Variants in PDE3A observed in about 807,000 individuals in gnomAD.
PDE3A encodes phosphodiesterase 3A, also known as cGMP-inhibited 3',5'-cyclic phosphodiesterase 3A.
PDE3A carries 43 observed loss-of-function variants against 98.3 expected under a neutral mutation model. The ratio of observed to expected loss-of-function variants is 0.44; its 90% confidence interval spans 0.34 to 0.56. The LOEUF is 0.56. PDE3A is among the 20% of genes least tolerant of loss of function. PDE3A has a pLI of 0.01. For missense variants in PDE3A, 1,427 were observed against 1,440.7 expected, an observed-to-expected ratio of 0.99 and a Z score of 0.15; for synonymous variants, 663 against 567.9, an observed-to-expected ratio of 1.17 and a Z score of -2.38.
chr12:20,517,466 G>C (rs535250256), intron 1 of PDE3A, among the ~76,000 whole-genome samples: 7 of 152,250 alleles, frequency 4.6e-5, no homozygotes, highest in South Asian at 4.1e-4. Flanking sequence ...CTCTTATTCA[G>C]AATGTTTTTT....
At chr12:20,507,542 C>T (rs1054611975) in intron 1 of PDE3A, among the ~76,000 whole-genome samples, 1 of 151,934 alleles carries the variant, frequency 6.6e-6, no homozygotes, top group Non-Finnish European at 1.5e-5. Context: ...CTCATATATC[C>T]AATTGCAATA....
intron 1 of PDE3A, among the ~76,000 whole-genome samples, chr12:20,370,920 A>G (rs1943461653): frequency 6.6e-6 from 1 of 152,240 alleles, no homozygotes; most frequent in African/African-American, 2.4e-5. Context: ...TTGGGGAATA[A>G]TATGTCTGAA....
Position 20,507,053 on chromosome 12 carries a change from C to T in PDE3A, c.961-49607C>T, listed in dbSNP as rs573805674. The stretch of plus-strand genomic sequence containing the variant: ...TAAATTTAGTTTTAAACTTAATTCA[C>T]ATAAAGGGTATTTATTATGATCCGG... On this transcript the variant is annotated intron_variant, in intron 1 of 15. Transcript: ENST00000359062. Among the ~76,000 whole-genome samples, 5 of 152,086 alleles carry T rather than the reference C, an allele frequency of 3.3e-5. No homozygotes were observed. In the East Asian group the frequency reaches 7.7e-4, roughly 23 times the overall value.
chr12:20,400,201 C>T (rs1329855745), intron 1 of PDE3A, among the ~76,000 whole-genome samples: 2 of 151,938 alleles, frequency 1.3e-5, no homozygotes, highest in Admixed American at 1.3e-4. Flanking sequence ...GCATGTCCGA[C>T]TGAGCTCTAT....
intron 15 of PDE3A, among the ~76,000 whole-genome samples, chr12:20,679,660 C>T (rs939042445): frequency 6.6e-6 from 1 of 151,920 alleles, no homozygotes; most frequent in Admixed American, 6.6e-5. Flanking sequence ...GACAGACTAA[C>T]AAGAAGTTAT....
chr12:20,556,807 G>C (rs937256765), intron 2 of PDE3A, 97 bp downstream of exon 2: 1 of 861,414 alleles, frequency 1.2e-6, no homozygotes, highest in Non-Finnish European at 2.0e-6. Context: ...GTGGAGCGAG[G>C]AAGAGGCAAA....
chr12:20,610,291 GAA>G (rs1592108570), intron 2 of PDE3A, among the ~76,000 whole-genome samples: 2 of 151,906 alleles, frequency 1.3e-5, no homozygotes, highest in Non-Finnish European at 1.5e-5. Context: ...TATATGTATG[GAA>G]AAGTGTTTAA....
chr12:20,588,797 C>G, intron 2 of PDE3A, among the ~76,000 whole-genome samples: 1 of 152,178 alleles, frequency 6.6e-6, no homozygotes, highest in Middle Eastern at 3.2e-3. Context: ...CCTGGGGACA[C>G]ATTCTCAGGC....
chr12:20,626,269 TTTTGAAGACCGATACGG>T (rs1454225998), intron 5 of PDE3A, among the ~76,000 whole-genome samples: 1 of 152,044 alleles, frequency 6.6e-6, no homozygotes, highest in Non-Finnish European at 1.5e-5. Context: ...CTCCCTATCT[TTTTGAAGACCGATACGG>T]TCTTCAAAAT....
intron 1 of PDE3A, among the ~76,000 whole-genome samples, chr12:20,526,884 CTGTGTGTGTGTGTGTGTGTGTGTGTG>C (rs71039949): frequency 1.5e-5 from 2 of 136,850 alleles, no homozygotes; most frequent in African/African-American, 2.8e-5. Flanking sequence ...ACATTTTTTT[CTGTGTGTGTGTGTGTGTGTGTGTGTG>C]TGTGTGTGTG....
At chr12:20,513,031 C>A (rs1037126100) in intron 1 of PDE3A, among the ~76,000 whole-genome samples, 5 of 152,018 alleles carry the variant, frequency 3.3e-5, no homozygotes, top group Non-Finnish European at 2.9e-5. Context: ...ATTATTTCTG[C>A]TTTGCCAAAG....
At chr12:20,480,068 G>C (rs1945596602) in intron 1 of PDE3A, among the ~76,000 whole-genome samples, 1 of 152,160 alleles carries the variant, frequency 6.6e-6, no homozygotes, top group Non-Finnish European at 1.5e-5. Context: ...GTGAAGATGA[G>C]CTCATCTGTC....
intron 15 of PDE3A, among the ~76,000 whole-genome samples, chr12:20,656,247 G>T (rs1048977626): frequency 1.3e-5 from 2 of 152,162 alleles, no homozygotes; most frequent in Admixed American, 6.5e-5. Context: ...TCACAGTCAG[G>T]ATAATGCACA....
Position 20,370,203 on chromosome 12 carries a change from T to G in PDE3A, c.919T>G (p.Ser307Ala), listed in dbSNP as rs891043675. The G allele has an allele frequency of 6.9e-6, 11 of 1,605,530 alleles. No homozygotes were observed. The African/African-American group carries it at 1.3e-4, about 20-fold the overall frequency. Residue 307 changes from serine (S) to alanine (A), a missense_variant, in exon 1 of 16, where the codon TCC becomes GCC. Physicochemically the swap from Ser to Ala is moderately conservative, Grantham distance 99 (BLOSUM62 1). Around this residue, in one of 3 missense-constraint regions of PDE3A, gnomAD observed 1,012 missense variants for 886.5 expected, o/e 1.14. Transcript: ENST00000359062. Reference protein sequence around the residue: ...SAEMSGCSSKSHRRTSLPCIP... With the variant: ...SAEMSGCSSKAHRRTSLPCIP... ...CGAGATGTCCGGCTGCAGCAGCAAG[T>G]CCCATCGGAGGACCTCCCTGCCCTG...
intron 1 of PDE3A, among the ~76,000 whole-genome samples, chr12:20,470,399 G>T (rs1156735068): frequency 6.6e-6 from 1 of 151,216 alleles, no homozygotes; most frequent in East Asian, 1.9e-4. Flanking sequence ...GTCTGAGTGG[G>T]ACATCTAGTT....
intron 15 of PDE3A, among the ~76,000 whole-genome samples, chr12:20,660,497 G>A (rs191437598): frequency 2.5e-4 from 38 of 151,784 alleles, no homozygotes; most frequent in Non-Finnish European, 5.0e-4. Context: ...CTGGAGATTG[G>A]AGGGTCATAT....
intron 1 of PDE3A, among the ~76,000 whole-genome samples, chr12:20,398,808 A>C (rs1944068131): frequency 6.6e-6 from 1 of 152,124 alleles, no homozygotes. Context: ...ATTTTTTTAA[A>C]ATGTGGTAAC....
intron 1 of PDE3A, among the ~76,000 whole-genome samples, chr12:20,385,091 T>C: frequency 6.6e-6 from 1 of 152,030 alleles, no homozygotes; most frequent in Non-Finnish European, 1.5e-5. Context: ...GTTCTAGGTC[T>C]TTGAGGAATC....
intron 1 of PDE3A, among the ~76,000 whole-genome samples, chr12:20,375,308 T>A (rs1434010410): frequency 6.6e-6 from 1 of 152,036 alleles, no homozygotes; most frequent in African/African-American, 2.4e-5. Flanking sequence ...ATATATACTT[T>A]CATGATAGGT....
Sources: allele counts gnomAD v4.1 joint callset (sites outside exome capture counted in the v4.1 genomes callset), GRCh38; gene constraint gnomAD v4.1.1; regional missense constraint gnomAD v4.1.1; transcripts MANE v1.5; gene names NCBI Gene and HGNC (gene_info 2026-07-23, HGNC 2026-07-21).